The following FBXL20 variants were observed in gnomAD, a reference collection of about 807,000 sequenced individuals.
FBXL20 encodes F-box/LRR-repeat protein 20.
FBXL20 carries 11 observed loss-of-function variants against 64.0 expected under a neutral mutation model. That is an observed-to-expected ratio of 0.17 (90% confidence interval 0.11 to 0.28). The LOEUF (loss-of-function observed/expected upper bound fraction) is 0.28, where lower values mean the gene tolerates loss of function less well. Among genes scored for constraint, FBXL20 ranks in the 10% least tolerant of loss-of-function variants. The probability of loss-of-function intolerance (pLI) is 1.00; values close to 1 mark genes in which losing one functional copy is unlikely to be tolerated. For synonymous variants in FBXL20, 184 were observed against 189.0 expected (o/e 0.97, Z 0.22); for missense variants, 303 against 526.2 (o/e 0.58, Z 4.15).
At chr17:39,368,841 A>G (rs573673895) in intron 1 of FBXL20, among the ~76,000 whole-genome samples, 70 of 151,792 alleles carry the variant, frequency 4.6e-4, no homozygotes, top group Non-Finnish European at 7.2e-4. Flanking sequence ...ATTTTTAGTA[A>G]AGACGGGGTT....
At chr17:39,316,140 T>C (rs910705078) in intron 2 of FBXL20, among the ~76,000 whole-genome samples, 1 of 152,046 alleles carries the variant, frequency 6.6e-6, no homozygotes, top group African/African-American at 2.4e-5. Flanking sequence ...CAAAGGGAGA[T>C]GTGAATCTGG....
intron 6 of FBXL20, among the ~76,000 whole-genome samples, chr17:39,296,866 A>G (rs1253810544): frequency 6.6e-6 from 1 of 152,204 alleles, no homozygotes; most frequent in African/African-American, 2.4e-5. Flanking sequence ...TAATCCCAGT[A>G]ATATGTATTA....
At chr17:39,273,249 C>T (rs1375766542) in intron 10 of FBXL20, among the ~76,000 whole-genome samples, 2 of 152,074 alleles carry the variant, frequency 1.3e-5, no homozygotes, top group East Asian at 3.9e-4. Context: ...CTCCTGACCT[C>T]AGATGATCCG....
chr17:39,364,718 C>G (rs1311515220), intron 1 of FBXL20, among the ~76,000 whole-genome samples: 1 of 152,224 alleles, frequency 6.6e-6, no homozygotes, highest in African/African-American at 2.4e-5. Flanking sequence ...CTGCAGCCAT[C>G]TAAGGAAGTC....
chr17:39,336,245 T>C (rs1347630073), intron 2 of FBXL20, among the ~76,000 whole-genome samples: 1 of 152,208 alleles, frequency 6.6e-6, no homozygotes, highest in Non-Finnish European at 1.5e-5. Flanking sequence ...AACAACACAA[T>C]TGTTTTTGTA....
chr17:39,382,981 C>G (rs560580333), intron 1 of FBXL20, among the ~76,000 whole-genome samples: 1 of 151,162 alleles, frequency 6.6e-6, no homozygotes, highest in Non-Finnish European at 1.5e-5. Context: ...ATGGTGAAAC[C>G]CCATCTCTAC....
chr17:39,398,523 A>G (rs2048209340), intron 1 of FBXL20, among the ~76,000 whole-genome samples: 1 of 152,232 alleles, frequency 6.6e-6, no homozygotes, highest in Non-Finnish European at 1.5e-5. Context: ...TTATTACTGT[A>G]TACATTTAAT....
At chr17:39,333,679 T>C (rs2047487933) in intron 2 of FBXL20, among the ~76,000 whole-genome samples, 1 of 144,756 alleles carries the variant, frequency 6.9e-6, no homozygotes, top group Non-Finnish European at 1.5e-5. Context: ...TTCCCGGCCG[T>C]CATCCCGTCT....
intron 1 of FBXL20, among the ~76,000 whole-genome samples, chr17:39,385,850 T>G (rs529896305): frequency 1.3e-5 from 2 of 150,938 alleles, no homozygotes; most frequent in African/African-American, 4.9e-5. Context: ...GCAAACATGA[T>G]GAAATCCTGT....
intron 1 of FBXL20, among the ~76,000 whole-genome samples, chr17:39,368,576 T>C (rs555607101): frequency 7.2e-5 from 11 of 152,270 alleles, no homozygotes; most frequent in Admixed American, 1.3e-4. Flanking sequence ...TGCTTCTCCC[T>C]GACAAGCCCC....
In FBXL20 at chr17:39,358,584, AG is replaced by A. The variant is rs572646912; in HGVS notation, c.43-15344del. Reference sequence around the variant, plus strand: ...TGTAATCCCACCTACTCAGAGGCTAAGGCAGGAGAATCACTAGAACCCTGGA... The same window carrying A: ...TGTAATCCCACCTACTCAGAGGCTAAGCAGGAGAATCACTAGAACCCTGGA... On this transcript the variant is annotated intron_variant, in intron 1 of 14. Transcript: ENST00000264658. 8.7e-3 allele frequency among the ~76,000 whole-genome samples: 1,322 copies of A among 152,284 alleles called. 8 individuals carry two copies. Among genetic ancestry groups the A allele is most frequent in the Non-Finnish European group, 0.015 (1,049 of 68,026 alleles).
chr17:39,385,781 C>G (rs930537143), intron 1 of FBXL20, among the ~76,000 whole-genome samples: 1 of 152,150 alleles, frequency 6.6e-6, no homozygotes, highest in Admixed American at 6.6e-5. Context: ...CCTATAATCC[C>G]AGCACTTTGG....
At chr17:39,343,852 T>A (rs532899220) in intron 1 of FBXL20, among the ~76,000 whole-genome samples, 1 of 152,128 alleles carries the variant, frequency 6.6e-6, no homozygotes, top group African/African-American at 2.4e-5. Flanking sequence ...CATGCCACCA[T>A]GCCCGGCTAA....
At chr17:39,385,758 G>A (rs1314700490) in intron 1 of FBXL20, among the ~76,000 whole-genome samples, 2 of 152,152 alleles carry the variant, frequency 1.3e-5, no homozygotes, top group African/African-American at 4.8e-5. Flanking sequence ...GCAGCCAGGC[G>A]AGGTGGCTCA....
intron 1 of FBXL20, among the ~76,000 whole-genome samples, chr17:39,366,931 T>C (rs1195820783): frequency 6.6e-6 from 1 of 151,342 alleles, no homozygotes; most frequent in Non-Finnish European, 1.5e-5. Flanking sequence ...TCAGCCAGGC[T>C]GGAGTGCAGT....
intron 1 of FBXL20, among the ~76,000 whole-genome samples, chr17:39,382,080 G>A (rs1424948655): frequency 7.7e-6 from 1 of 129,960 alleles, no homozygotes; most frequent in African/African-American, 3.0e-5. Flanking sequence ...CAAACACAGC[G>A]AGACTCCGTC....
At chr17:39,292,721 A>G (rs964071184) in intron 6 of FBXL20, among the ~76,000 whole-genome samples, 12 of 150,974 alleles carry the variant, frequency 7.9e-5, no homozygotes, top group Admixed American at 4.0e-4. Context: ...TTCCGGGTCT[A>G]TATTTCTATT....
chr17:39,342,079 G>A (rs963531296), intron 2 of FBXL20, among the ~76,000 whole-genome samples: 10 of 152,116 alleles, frequency 6.6e-5, no homozygotes, highest in African/African-American at 2.2e-4. Flanking sequence ...TTTAAAAACA[G>A]AAACCAGTTT....
intron 1 of FBXL20, among the ~76,000 whole-genome samples, chr17:39,386,126 G>A (rs1350239260): frequency 6.7e-6 from 1 of 150,342 alleles, no homozygotes; most frequent in Non-Finnish European, 1.5e-5. Context: ...GGGTGGATAA[G>A]AGGTCAGGAC....
Sources: gnomAD v4.1 joint callset for allele counts (sites outside exome capture counted in the v4.1 genomes callset) on GRCh38, gnomAD v4.1.1 for gene constraint, MANE v1.5 for transcripts, NCBI Gene and HGNC (gene_info 2026-07-23, HGNC 2026-07-21) for gene names.